Variants in OR2L13 observed in about 807,000 individuals in gnomAD.
OR2L13 encodes the protein olfactory receptor family 2 subfamily L member 13, also known as olfactory receptor 2L13.
In OR2L13, 14 loss-of-function variants were observed where a neutral mutation model predicts 15.3. That is an observed-to-expected ratio of 0.91 (90% CI 0.60 to 1.43). The LOEUF is 1.43. OR2L13 is among the 40% of genes most tolerant of loss of function. The pLI is 0.00. For synonymous variants in OR2L13, 152 were observed against 142.9 expected (o/e 1.06, Z -0.45); for missense variants, 367 against 387.9 (o/e 0.95, Z 0.45).
chr1:248,011,083 C>T, the OR2L13 span, among the ~76,000 whole-genome samples: 3 of 152,244 alleles, frequency 2.0e-5, no homozygotes, highest in South Asian at 4.1e-4. Flanking sequence ...TTTGCAGTGG[C>T]TGGTACCCGT....
chr1:247,995,243 A>C, the OR2L13 span, among the ~76,000 whole-genome samples: 7 of 152,316 alleles, frequency 4.6e-5, no homozygotes, highest in South Asian at 1.2e-3. Context: ...GTACTTGTTA[A>C]ACTCTATCTT....
chr1:248,099,947 C>G, exon 3 of OR2L13: 1 of 1,614,058 alleles, frequency 6.2e-7, no homozygotes, highest in Non-Finnish European at 8.5e-7. Flanking sequence ...TGTACAGATA[C>G]TTGGGTCTAT....
chr1:248,004,526 A>G, the OR2L13 span, among the ~76,000 whole-genome samples: 1 of 152,194 alleles, frequency 6.6e-6, no homozygotes, highest in Non-Finnish European at 1.5e-5. Context: ...TTAACGTACC[A>G]GTTACTGTTT....
chr1:248,016,116 G>A, the OR2L13 span, among the ~76,000 whole-genome samples: 1 of 151,982 alleles, frequency 6.6e-6, no homozygotes, highest in Admixed American at 6.6e-5. Flanking sequence ...ACTTAAATTA[G>A]GCTATTTTAA....
chr1:248,024,275 G>GA, the OR2L13 span: 3 of 151,700 alleles, frequency 2.0e-5, no homozygotes, highest in Non-Finnish European at 4.4e-5. Flanking sequence ...TATCTGATTT[G>GA]AAAAAACACT....
the OR2L13 span, chr1:247,966,470 G>T: frequency 1.1e-5 from 10 of 897,880 alleles, no homozygotes; most frequent in Non-Finnish European, 1.6e-5. Flanking sequence ...TAGAATTCAG[G>T]CTTCTTAAAT....
At chr1:248,077,310 T>G in the OR2L13 span, among the ~76,000 whole-genome samples, 25 of 152,158 alleles carry the variant, frequency 1.6e-4, no homozygotes, top group Admixed American at 9.8e-4. Flanking sequence ...TCTCTTTTTT[T>G]GTTGTGTCTC....
the OR2L13 span, among the ~76,000 whole-genome samples, chr1:248,081,270 T>C: frequency 2.0e-5 from 3 of 152,174 alleles, no homozygotes; most frequent in Admixed American, 1.3e-4. Flanking sequence ...TTAATTTCAT[T>C]GTGGTCAGAT....
At chr1:248,095,606 G>GTTTTTTTTTTTTTTTTTTTTTTTTT (rs1476154907), upstream of OR2L13, among the ~76,000 whole-genome samples, 1 of 6,626 alleles carries the variant, frequency 1.5e-4, no homozygotes, top group Non-Finnish European at 4.9e-4. Flanking sequence ...TAAAGCTGCT[G>GTTTTTTTTTTTTTTTTTTTTTTTTT]CTTTTTTTTT....
exon 3 of OR2L13, chr1:248,099,489 G>C (rs751970122): frequency 3.1e-6 from 5 of 1,613,592 alleles, no homozygotes; most frequent in Admixed American, 3.3e-5. Flanking sequence ...TTCTGGCCTC[G>C]GTGGGTAACT....
the OR2L13 span, among the ~76,000 whole-genome samples, chr1:248,066,670 A>G: frequency 6.6e-6 from 1 of 152,222 alleles, no homozygotes. Context: ...ATATTTTAAA[A>G]TACATTTGTC....
At chr1:247,982,526 C>A in the OR2L13 span, among the ~76,000 whole-genome samples, 1 of 152,138 alleles carries the variant, frequency 6.6e-6, no homozygotes, top group Non-Finnish European at 1.5e-5. Context: ...TCATTTGAAA[C>A]GTGGGCACTG....
chr1:248,060,585 C>T, the OR2L13 span: 1 of 926,614 alleles, frequency 1.1e-6, no homozygotes, highest in Non-Finnish European at 1.7e-6. Flanking sequence ...CAAGAATTTA[C>T]TGAGGGGCTT....
the OR2L13 span, among the ~76,000 whole-genome samples, chr1:248,088,691 G>A: frequency 1.3e-5 from 2 of 152,024 alleles, no homozygotes; most frequent in Admixed American, 6.6e-5. Flanking sequence ...CTGTTCTTTC[G>A]GTGTTTAATA....
upstream of OR2L13, among the ~76,000 whole-genome samples, chr1:248,093,575 T>C (rs1316005663): frequency 6.6e-6 from 1 of 152,196 alleles, no homozygotes; most frequent in Non-Finnish European, 1.5e-5. Flanking sequence ...TTTAAAGCAC[T>C]AGAATGGCTT....
At chr1:248,075,021 C>A in the OR2L13 span, among the ~76,000 whole-genome samples, 13 of 152,136 alleles carry the variant, frequency 8.5e-5, no homozygotes, top group Non-Finnish European at 1.8e-4. Context: ...GTCCCTCCCC[C>A]AGACCCCCAG....
At chr1:247,985,667 C>T in the OR2L13 span, among the ~76,000 whole-genome samples, 9 of 152,012 alleles carry the variant, frequency 5.9e-5, no homozygotes, top group East Asian at 1.9e-4. Context: ...TAGTTCTAGA[C>T]CCCTGAGGAA....
chr1:248,003,765 C>A, the OR2L13 span: 953 of 1,609,796 alleles, frequency 5.9e-4, 5 homozygotes, highest in African/African-American at 8.2e-3. Context: ...CCCTTCATTG[C>A]TATTTCATGT....
At chr1:248,002,594 C>T in the OR2L13 span, among the ~76,000 whole-genome samples, 16 of 152,216 alleles carry the variant, frequency 1.1e-4, no homozygotes, top group African/African-American at 3.9e-4. Context: ...CGCAGTGGCT[C>T]ACGCCTGTAA....
Sources: gnomAD v4.1 joint callset for allele counts (sites outside exome capture counted in the v4.1 genomes callset) on GRCh38, gnomAD v4.1.1 for gene constraint, MANE v1.5 for transcripts, NCBI Gene and HGNC (gene_info 2026-07-23, HGNC 2026-07-21) for gene names.